WDR36: variants seen among roughly 807,000 people sequenced by gnomAD.
WDR36 encodes the protein WD repeat-containing protein 36.
Under a neutral mutation model 112.7 loss-of-function variants are expected in WDR36, and 63 were observed. The ratio of observed to expected loss-of-function variants is 0.56; its 90% CI spans 0.46 to 0.69. The LOEUF is 0.69. WDR36 is among the 30% of genes least tolerant of loss of function. The probability of loss-of-function intolerance (pLI) is 0.00; values close to 1 mark genes in which losing one functional copy is unlikely to be tolerated. For missense variants in WDR36, 1,226 were observed against 1,070.3 expected, an observed-to-expected ratio of 1.15 and a Z score of -2.03; for synonymous variants, 410 against 362.2, an observed-to-expected ratio of 1.13 and a Z score of -1.50.
At chr5:111,117,127 C>T (rs1753471572) in intron 16 of WDR36, among the ~76,000 whole-genome samples, 1 of 152,104 alleles carries the variant, frequency 6.6e-6, no homozygotes, top group African/African-American at 2.4e-5. Flanking sequence ...TCTTGATTCC[C>T]AATAAAAGCC....
rs1753750886 is a variant in WDR36, at chr5:111,129,734, T to G, written c.*2851T>G. On this transcript the variant is annotated 3_prime_UTR_variant, in exon 23 of 23. Coordinates refer to ENST00000513710, the MANE Select transcript of WDR36 (RefSeq NM_139281.3). ...AAATTGATTAATTTTCATGACTTATTTCAGGATATAAAGCAAATTATTTTC... is the reference window on the plus strand; with the variant it reads ...AAATTGATTAATTTTCATGACTTATGTCAGGATATAAAGCAAATTATTTTC... 1 of 199,446 alleles carries G rather than the reference T, an allele frequency of 5.0e-6. No homozygotes were observed. The highest frequency in any genetic ancestry group is 7.9e-5 in the East Asian group (1 of 12,670). 12.4% of individuals were successfully genotyped at this position (199,446 alleles called of 1,614,324 possible).
intron 2 of WDR36, among the ~76,000 whole-genome samples, chr5:111,096,485 C>G (rs1217581446): frequency 6.6e-6 from 1 of 152,140 alleles, no homozygotes; most frequent in Non-Finnish European, 1.5e-5. Flanking sequence ...GGGCAGATCA[C>G]CTGAGGTCAG....
chr5:111,114,996 C>T (rs1233282646), intron 16 of WDR36, among the ~76,000 whole-genome samples: 1 of 151,976 alleles, frequency 6.6e-6, no homozygotes. Context: ...ACCTTTGACT[C>T]AGCATTAGCC....
chr5:111,123,846 A>T lies in WDR36; in HGVS notation c.2190A>T (p.Ser730=), dbSNP rs1240167604. Residue 730 remains serine, a synonymous_variant, in exon 20 of 23, where the codon TCA becomes TCT. Coordinates refer to ENST00000513710, the MANE Select transcript of WDR36 (RefSeq NM_139281.3). ...AGGAACCACCCAAAGTACCCAAATCAGCACCATTTTTCATTCCAACAATTC... is the reference window on the plus strand; with the variant it reads ...AGGAACCACCCAAAGTACCCAAATCTGCACCATTTTTCATTCCAACAATTC... ...KPKEPPKVPK[S]APFFIPTIPG... 2.5e-6 allele frequency: 4 copies of T among 1,613,986 alleles called. No individual in the cohort carries two copies. In the Admixed American group the frequency reaches 6.7e-5, roughly 27 times the overall value.
intron 4 of WDR36, 88 bp downstream of exon 4, chr5:111,098,927 A>AT: frequency 1.0e-6 from 1 of 973,224 alleles, no homozygotes; most frequent in Admixed American, 1.9e-5. Context: ...TATGCCAGAG[A>AT]TTTTGCCTGT....
intron 16 of WDR36, among the ~76,000 whole-genome samples, chr5:111,118,402 C>G (rs1753498715): frequency 6.6e-6 from 1 of 152,172 alleles, no homozygotes; most frequent in Non-Finnish European, 1.5e-5. Context: ...TTCACCCCAA[C>G]TTGTAAATCC....
At chr5:111,112,256 T>C (rs575025039) in intron 15 of WDR36, among the ~76,000 whole-genome samples, 1 of 152,120 alleles carries the variant, frequency 6.6e-6, no homozygotes, top group East Asian at 1.9e-4. Flanking sequence ...TGCTCAGTAA[T>C]AAGTTATTCC....
At chr5:111,103,983 AT>A (rs1165161504) in intron 7 of WDR36, 65 bp downstream of exon 7, 81 of 1,585,794 alleles carry the variant, frequency 5.1e-5, no homozygotes, top group South Asian at 2.3e-4. Context: ...TTAAAAGTCA[AT>A]TTTTTTTGTC....
At position 111,092,527 on chromosome 5, in the gene WDR36, G is replaced by A. The variant is rs1325139370; in HGVS notation, c.71G>A (p.Ser24Asn). ...FAGFRALGLF[S>N]NDIPHVVRFS... ...GGGTTCCGGGCCTTGGGACTTTTCA[G>A]CAACGACATTCCACACGTGGTGCGG... The change falls in exon 1 of 23, where the codon AGC becomes AAC. Residue 24 changes from serine to asparagine, a missense_variant. Coordinates refer to ENST00000513710, the MANE Select transcript of WDR36 (RefSeq NM_139281.3). The A allele has an allele frequency of 6.2e-7, 1 of 1,614,124 alleles. No homozygotes were observed. The highest frequency in any genetic ancestry group is 8.5e-7 in the Non-Finnish European group (1 of 1,180,054).
At chr5:111,120,622 G>C in intron 18 of WDR36, 29 bp downstream of exon 18, 1 of 1,549,478 alleles carries the variant, frequency 6.5e-7, no homozygotes, top group Non-Finnish European at 8.9e-7. Context: ...AGTAATTTTT[G>C]AGGTGTAATA....
At chr5:111,093,494 G>A (rs78848321) in intron 1 of WDR36, among the ~76,000 whole-genome samples, 1,786 of 152,366 alleles carry the variant, frequency 0.012, 36 homozygotes, top group African/African-American at 0.041. Context: ...GAAAAGGAAA[G>A]TGAGGGCAGA....
rs904065057 is a variant in WDR36, at chr5:111,127,595, C to T, written c.*712C>T. ...TATTTCAGTGACAGATTAAAACTTTCTAACAGTGGCCTAGTGCTTTCTCCA... is the reference window on the plus strand; with the variant it reads ...TATTTCAGTGACAGATTAAAACTTTTTAACAGTGGCCTAGTGCTTTCTCCA... On this transcript the variant is annotated 3_prime_UTR_variant, in exon 23 of 23. Transcript: ENST00000513710. The T allele has an allele frequency of 3.8e-5, 8 of 210,266 alleles. No homozygotes were observed. The highest frequency in any genetic ancestry group is 5.8e-5 in the Non-Finnish European group (6 of 103,446). 13.0% of individuals were successfully genotyped at this position (210,266 alleles called of 1,614,324 possible).
Position 111,125,799 on chromosome 5 carries a change from A to AGT in WDR36, c.2538+5_2538+6dup, listed in dbSNP as rs752941317. On this transcript the variant is annotated splice_donor_region_variant and intron_variant, in intron 22 of 22. Coordinates refer to ENST00000513710, the MANE Select transcript of WDR36 (RefSeq NM_139281.3). ...ATACCTTGCATTGTTTCTAAAGGTA[A>AGT]GTCTAATGTAAGACAGTACTGCCCA... 6.2e-7 allele frequency: 1 copy of AGT among 1,613,628 alleles called. No individual in the cohort carries two copies. The highest frequency in any genetic ancestry group is 2.2e-5 in the East Asian group (1 of 44,838).
At chr5:111,103,099 G>A (rs1446079683) in intron 6 of WDR36, among the ~76,000 whole-genome samples, 3 of 151,586 alleles carry the variant, frequency 2.0e-5, no homozygotes, top group Non-Finnish European at 4.4e-5. Context: ...ATCTGTTTTA[G>A]TATCTCCAAT....
At chr5:111,119,656 A>G (rs1217347279) in intron 17 of WDR36, among the ~76,000 whole-genome samples, 6 of 152,126 alleles carry the variant, frequency 3.9e-5, no homozygotes, top group African/African-American at 1.2e-4. Context: ...GGTTTAGAAA[A>G]AATTTTGTTT....
chr5:111,117,875 G>T (rs1444410836), intron 16 of WDR36, among the ~76,000 whole-genome samples: 2 of 152,160 alleles, frequency 1.3e-5, no homozygotes, highest in Non-Finnish European at 2.9e-5. Flanking sequence ...CTTTTAGCCA[G>T]CCTAAGGGGT....
intron 3 of WDR36, among the ~76,000 whole-genome samples, chr5:111,098,256 T>A (rs1178150356): frequency 2.0e-5 from 3 of 152,158 alleles, no homozygotes; most frequent in African/African-American, 7.2e-5. Flanking sequence ...GATCAGCTAC[T>A]GTAAGGATCT....
intron 6 of WDR36, 92 bp downstream of exon 6, chr5:111,102,491 G>A (rs1375817625): frequency 9.5e-6 from 12 of 1,259,360 alleles, no homozygotes; most frequent in African/African-American, 7.4e-5. Context: ...ACGTAAAGAC[G>A]AAACAATATA....
At chr5:111,104,397 C>T (rs139257410) in intron 8 of WDR36, 45 bp downstream of exon 8, 1 of 1,608,748 alleles carries the variant, frequency 6.2e-7, no homozygotes, top group Non-Finnish European at 8.5e-7. Flanking sequence ...TCTAACTTAC[C>T]CTTTGGGTTA....
Sources: allele counts gnomAD v4.1 joint callset (sites outside exome capture counted in the v4.1 genomes callset), GRCh38; gene constraint gnomAD v4.1.1; transcripts MANE v1.5; gene names NCBI Gene and HGNC (gene_info 2026-07-23, HGNC 2026-07-21).